The following GRIN2B variants were observed in gnomAD, a reference collection of about 807,000 sequenced individuals.
GRIN2B encodes the protein glutamate ionotropic receptor NMDA type subunit 2B.
Under a neutral mutation model 114.5 loss-of-function variants are expected in GRIN2B, and 5 were observed. The observed-to-expected ratio is 0.04, with a 90% CI of 0.02 to 0.09. The LOEUF (loss-of-function observed/expected upper bound fraction) is 0.09, where lower values mean the gene tolerates loss of function less well. GRIN2B is among the 10% of genes least tolerant of loss of function. GRIN2B has a pLI of 1.00. For synonymous variants in GRIN2B, 787 were observed against 745.1 expected (o/e 1.06, Z -0.92); for missense variants, 1,108 against 1,943.5 (o/e 0.57, Z 8.08).
At chr12:13,715,823 G>C (rs1216089171) in intron 4 of GRIN2B, among the ~76,000 whole-genome samples, 2 of 151,848 alleles carry the variant, frequency 1.3e-5, no homozygotes, top group Admixed American at 6.6e-5. Context: ...TGTCATAAGA[G>C]CAAGTCCTTT....
Position 13,841,602 on chromosome 12 carries a change from G to T in GRIN2B, c.411+24196C>A, listed in dbSNP as rs1223367977. Among the ~76,000 whole-genome samples the T allele has an allele frequency of 3.3e-5, 5 of 152,038 alleles. No homozygotes were observed. In the East Asian group the frequency reaches 9.7e-4, roughly 29 times the overall value. ...TCAGGCTCTAGCCTAACAGTTCAGG[G>T]GACGCATCTCGATCCACAGCTCTTA... On this transcript the variant is annotated intron_variant, in intron 3 of 13. Transcript: ENST00000609686.
At chr12:13,653,746 T>C (rs1475347335) in intron 5 of GRIN2B, among the ~76,000 whole-genome samples, 3 of 152,044 alleles carry the variant, frequency 2.0e-5, no homozygotes, top group Admixed American at 2.0e-4. Context: ...GTAGGCGACT[T>C]TCATTCTCTT....
intron 2 of GRIN2B, among the ~76,000 whole-genome samples, chr12:13,969,307 T>G (rs1867839548): frequency 6.6e-6 from 1 of 152,218 alleles, no homozygotes; most frequent in Non-Finnish European, 1.5e-5. Flanking sequence ...ACATGCAACA[T>G]AAACCTTTAT....
At chr12:13,972,448 C>G (rs972137702) in intron 2 of GRIN2B, among the ~76,000 whole-genome samples, 1 of 150,916 alleles carries the variant, frequency 6.6e-6, no homozygotes, top group East Asian at 1.9e-4. Context: ...ACCACCACCT[C>G]TTTCATTATC....
chr12:13,611,597 G>A (rs1173806581), intron 9 of GRIN2B, 128 bp downstream of exon 9: 465 of 938,474 alleles, frequency 5.0e-4, no homozygotes, highest in Non-Finnish European at 6.2e-5. Context: ...ACTTAGAAAT[G>A]TTCACCTGAG....
chr12:13,674,914 C>T (rs897414077), intron 5 of GRIN2B, among the ~76,000 whole-genome samples: 1 of 152,210 alleles, frequency 6.6e-6, no homozygotes, highest in East Asian at 1.9e-4. Context: ...ATCTCCCAAC[C>T]TTATGTATCT....
At chr12:13,640,049 A>T (rs1408145105) in intron 5 of GRIN2B, among the ~76,000 whole-genome samples, 3 of 152,102 alleles carry the variant, frequency 2.0e-5, no homozygotes, top group African/African-American at 7.2e-5. Context: ...ACTATTCTGC[A>T]CTTCCTTGAG....
chr12:13,686,729 C>T (rs538490190), intron 4 of GRIN2B, among the ~76,000 whole-genome samples: 12 of 152,258 alleles, frequency 7.9e-5, no homozygotes, highest in Non-Finnish European at 1.5e-4. Flanking sequence ...GCTTTTGCCT[C>T]TCTTTTCTAC....
intron 4 of GRIN2B, among the ~76,000 whole-genome samples, chr12:13,700,407 A>C (rs954782476): frequency 7.2e-5 from 11 of 152,114 alleles, no homozygotes; most frequent in African/African-American, 2.7e-4. Flanking sequence ...AAATGACTGC[A>C]ATTTCTCTAT....
intron 3 of GRIN2B, among the ~76,000 whole-genome samples, chr12:13,762,359 T>A (rs1171338473): frequency 6.6e-6 from 1 of 152,132 alleles, no homozygotes; most frequent in African/African-American, 2.4e-5. Flanking sequence ...CTCATCAAAA[T>A]CATCTTATTT....
chr12:13,701,219 G>T (rs773685966), intron 4 of GRIN2B, among the ~76,000 whole-genome samples: 6 of 152,126 alleles, frequency 3.9e-5, no homozygotes, highest in Non-Finnish European at 7.3e-5. Flanking sequence ...GACACATGAG[G>T]ATTATGAGGA....
chr12:13,771,765 T>C (rs548196232), intron 3 of GRIN2B, among the ~76,000 whole-genome samples: 18 of 152,342 alleles, frequency 1.2e-4, no homozygotes, highest in African/African-American at 4.3e-4. Flanking sequence ...ATGCGTTTCA[T>C]TTCATATTGG....
intron 4 of GRIN2B, among the ~76,000 whole-genome samples, chr12:13,724,611 C>T (rs1436977840): frequency 6.6e-6 from 1 of 152,044 alleles, no homozygotes; most frequent in African/African-American, 2.4e-5. Flanking sequence ...TTATGTGAGA[C>T]TGAAAATTGA....
intron 4 of GRIN2B, among the ~76,000 whole-genome samples, chr12:13,751,731 A>G (rs1472153027): frequency 2.0e-5 from 3 of 152,172 alleles, no homozygotes; most frequent in Non-Finnish European, 1.5e-5. Context: ...GGCCACAGCT[A>G]AGAATACAAA....
At chr12:13,588,851 T>C (rs1352834635) in intron 10 of GRIN2B, among the ~76,000 whole-genome samples, 5 of 152,210 alleles carry the variant, frequency 3.3e-5, no homozygotes, top group Admixed American at 1.3e-4. Flanking sequence ...TCAGAAATGA[T>C]TAAAAGTGAG....
intron 5 of GRIN2B, among the ~76,000 whole-genome samples, chr12:13,673,331 A>G (rs1252763322): frequency 1.3e-5 from 2 of 152,174 alleles, no homozygotes; most frequent in Non-Finnish European, 2.9e-5. Context: ...TAATTGTGAG[A>G]CAGGAAATCA....
intron 10 of GRIN2B, among the ~76,000 whole-genome samples, chr12:13,586,160 A>G (rs1948921981): frequency 6.6e-6 from 1 of 152,216 alleles, no homozygotes; most frequent in Admixed American, 6.5e-5. Context: ...TAGTCATTCA[A>G]ACATATTCAG....
chr12:13,768,542 C>T (rs1325529194), intron 3 of GRIN2B, among the ~76,000 whole-genome samples: 1 of 152,220 alleles, frequency 6.6e-6, no homozygotes, highest in East Asian at 1.9e-4. Context: ...AACCCAAGAT[C>T]TTCAAAATAC....
At chr12:13,666,995 A>G (rs1338910091) in intron 5 of GRIN2B, among the ~76,000 whole-genome samples, 3 of 152,194 alleles carry the variant, frequency 2.0e-5, no homozygotes, top group Non-Finnish European at 4.4e-5. Context: ...TTCTATCCCT[A>G]CTGGTGAAAG....
Sources: gnomAD v4.1 joint callset for allele counts (sites outside exome capture counted in the v4.1 genomes callset) on GRCh38, gnomAD v4.1.1 for gene constraint, MANE v1.5 for transcripts, NCBI Gene and HGNC (gene_info 2026-07-23, HGNC 2026-07-21) for gene names.